Variants in OPRM1 observed in about 807,000 individuals in gnomAD.
The protein encoded by OPRM1 is opioid receptor mu 1, also known as mu-type opioid receptor.
Under a neutral mutation model 31.8 loss-of-function variants are expected in OPRM1, and 27 were observed. The observed-to-expected ratio is 0.85, with a 90% CI of 0.63 to 1.17. The LOEUF is 1.17. OPRM1 is among the 50% of genes most tolerant of loss of function. OPRM1 has a pLI of 0.00. For missense variants in OPRM1, 536 were observed against 511.1 expected (o/e 1.05, Z -0.47); for synonymous variants, 196 against 189.9 (o/e 1.03, Z -0.26).
At chr6:154,010,843 G>T (rs2128374112) in exon 1 of OPRM1, 1 of 1,353,454 alleles carries the variant, frequency 7.4e-7, no homozygotes, top group East Asian at 3.3e-5. Context: ...TCCTGTAATT[G>T]CAGCCCCTTG....
upstream of OPRM1, among the ~76,000 whole-genome samples, chr6:154,036,974 A>G (rs1354640695): frequency 2.0e-5 from 3 of 152,106 alleles, no homozygotes; most frequent in East Asian, 5.8e-4. Flanking sequence ...GTACAAAGCT[A>G]GGAGAGTAAA....
chr6:154,239,696 T>G (rs1780420161), intron 3 of OPRM1, among the ~76,000 whole-genome samples: 1 of 144,550 alleles, frequency 6.9e-6, no homozygotes, highest in Non-Finnish European at 1.5e-5. Context: ...GTTTGAATTG[T>G]CTTCACTGAA....
intron 3 of OPRM1, among the ~76,000 whole-genome samples, chr6:154,167,503 C>T (rs1015313165): frequency 2.0e-5 from 3 of 152,168 alleles, no homozygotes; most frequent in Admixed American, 2.0e-4. Flanking sequence ...GACTGGTACC[C>T]TTGTATGAAT....
intron 1 of OPRM1, among the ~76,000 whole-genome samples, chr6:154,068,298 C>T (rs1429832926): frequency 2.0e-5 from 3 of 152,120 alleles, no homozygotes; most frequent in Admixed American, 6.5e-5. Flanking sequence ...CCATGTTGTA[C>T]AATAGATCTC....
chr6:154,230,597 T>A (rs544142537), intron 3 of OPRM1, among the ~76,000 whole-genome samples: 93 of 152,112 alleles, frequency 6.1e-4, no homozygotes, highest in African/African-American at 2.0e-3. Context: ...TATTCCCGAG[T>A]CTAAATAGGT....
At chr6:154,046,664 A>C (rs994948022) in intron 1 of OPRM1, 1 of 152,130 alleles carries the variant, frequency 6.6e-6, no homozygotes, top group African/African-American at 2.4e-5. Flanking sequence ...GCCTCAGGTA[A>C]CTTTTTTTCT....
At chr6:154,178,152 T>C (rs1187895820) in intron 3 of OPRM1, among the ~76,000 whole-genome samples, 1 of 38,846 alleles carries the variant, frequency 2.6e-5, no homozygotes, top group Admixed American at 2.9e-4. Flanking sequence ...GGTGGGGGGC[T>C]GGGGGAGGGA....
At chr6:154,212,896 A>G in intron 3 of OPRM1, 3 of 1,343,044 alleles carry the variant, frequency 2.2e-6, no homozygotes, top group Non-Finnish European at 3.2e-6. Context: ...TAACGCTGTC[A>G]TCGCTTATTC....
At chr6:154,220,596 C>T (rs1007838464) in intron 3 of OPRM1, among the ~76,000 whole-genome samples, 6 of 152,056 alleles carry the variant, frequency 3.9e-5, no homozygotes, top group Non-Finnish European at 5.9e-5. Context: ...GAGCCGAGAT[C>T]GCACCACTGC....
At chr6:154,170,435 A>G (rs903740296) in intron 3 of OPRM1, among the ~76,000 whole-genome samples, 1 of 152,194 alleles carries the variant, frequency 6.6e-6, no homozygotes, top group Non-Finnish European at 1.5e-5. Flanking sequence ...ACGATTAGAA[A>G]CCTTTATGCA....
intron 1 of OPRM1, among the ~76,000 whole-genome samples, chr6:154,077,340 A>G (rs1788073962): frequency 6.6e-6 from 1 of 151,400 alleles, no homozygotes; most frequent in Admixed American, 6.6e-5. Context: ...CTGGTCTCAA[A>G]CTCCTGGCCT....
chr6:154,203,034 G>A (rs1466738063), intron 3 of OPRM1, among the ~76,000 whole-genome samples: 4 of 152,096 alleles, frequency 2.6e-5, no homozygotes, highest in Non-Finnish European at 4.4e-5. Flanking sequence ...ATGAAAACAC[G>A]CTTTATAGAC....
intron 3 of OPRM1, among the ~76,000 whole-genome samples, chr6:154,238,626 CTTT>C (rs1175550856): frequency 6.6e-6 from 1 of 152,094 alleles, no homozygotes; most frequent in African/African-American, 2.4e-5. Flanking sequence ...TGTCTGTCTT[CTTT>C]TTTTATTTCG....
At position 154,070,032 on chromosome 6, in the gene OPRM1, T is replaced by C. The variant is rs568191001; in HGVS notation, c.291-19794T>C. Among the ~76,000 whole-genome samples the C allele has an allele frequency of 1.4e-4, 22 of 152,224 alleles. No homozygotes were observed. The South Asian group carries it at 2.1e-3, about 14-fold the overall frequency. On this transcript the variant is annotated intron_variant, in intron 1 of 3. Transcript: ENST00000330432. ...GTTGCTTCAGCTATAGGGAAAGAAA[T>C]TTGTAATATTCGGAGGTGAGGGGGT...
At chr6:154,204,323 A>C (rs1777311803) in intron 3 of OPRM1, among the ~76,000 whole-genome samples, 1 of 152,242 alleles carries the variant, frequency 6.6e-6, no homozygotes, top group South Asian at 2.1e-4. Context: ...GAAGTGAGTC[A>C]GCATAGAAAT....
intron 3 of OPRM1, among the ~76,000 whole-genome samples, chr6:154,104,586 A>G (rs1285095392): frequency 6.6e-6 from 1 of 152,230 alleles, no homozygotes; most frequent in Non-Finnish European, 1.5e-5. Flanking sequence ...ACAAGCTTAA[A>G]AACAACTAAT....
intron 1 of OPRM1, among the ~76,000 whole-genome samples, chr6:154,059,761 T>A (rs1428727259): frequency 6.6e-6 from 1 of 152,242 alleles, no homozygotes; most frequent in African/African-American, 2.4e-5. Context: ...TTTATTACAA[T>A]GTTATGTTAA....
chr6:154,025,895 G>T (rs1417063808), intron 1 of OPRM1, among the ~76,000 whole-genome samples: 4 of 152,020 alleles, frequency 2.6e-5, no homozygotes, highest in African/African-American at 9.7e-5. Context: ...TACTGCTTAT[G>T]TCTTGAAAAG....
chr6:154,111,053 T>C (rs937669832), intron 3 of OPRM1, among the ~76,000 whole-genome samples: 3 of 152,166 alleles, frequency 2.0e-5, no homozygotes, highest in African/African-American at 4.8e-5. Context: ...AATAAGTCCA[T>C]ATTCACAGCA....
Sources: allele counts gnomAD v4.1 joint callset (sites outside exome capture counted in the v4.1 genomes callset), GRCh38; gene constraint gnomAD v4.1.1; transcripts MANE v1.5; gene names NCBI Gene and HGNC (gene_info 2026-07-23, HGNC 2026-07-21).